ZNF345: variants seen among roughly 807,000 people sequenced by gnomAD.
ZNF345 encodes zinc finger protein HZF10.
For synonymous variants in ZNF345, 166 were observed against 187.9 expected (o/e 0.88, Z 0.95); for missense variants, 527 against 589.9 (o/e 0.89, Z 1.10).
At chr19:36,865,360 A>T (rs1268618895) in intron 2 of ZNF345, among the ~76,000 whole-genome samples, 1 of 152,254 alleles carries the variant, frequency 6.6e-6, no homozygotes, top group Non-Finnish European at 1.5e-5. Flanking sequence ...ACTAGCACAT[A>T]GTCTTCTAAG....
intron 3 of ZNF345, chr19:36,892,441 A>G (rs1192365862): frequency 1.3e-6 from 2 of 1,598,138 alleles, no homozygotes; most frequent in Admixed American, 3.4e-5. Context: ...CTTTAGAGAT[A>G]ATATTTTGGT....
intron 1 of ZNF345, 124 bp from the exon 2 acceptor site, chr19:36,851,706 C>T (rs533287633): frequency 6.6e-6 from 1 of 152,406 alleles, no homozygotes; most frequent in Non-Finnish European, 1.5e-5. Flanking sequence ...ATGCCCTAGA[C>T]TTCTCTGACC....
rs1483393760 is a variant in ZNF345 at position 36,877,020 on chromosome 19, T to C, written c.190T>C (p.Cys64Arg). ...TCATACTGATGAGAAACTCCTTGAA[T>C]GTAAGGAATGTGGGAAGGATTTTAG... ...RIHTDEKLLE[C>R]KECGKDFSFV... The change falls in exon 3 of 3, where the codon TGT (cysteine) becomes CGT (arginine). Residue 64 changes from cysteine (C) to arginine (R), a missense_variant. Coordinates refer to ENST00000420450, the MANE Select transcript of ZNF345 (RefSeq NM_001242472.2). 2 of 1,614,044 alleles carry C rather than the reference T, an allele frequency of 1.2e-6. No homozygotes were observed. Among genetic ancestry groups the C allele is most frequent in the African/African-American group, 1.3e-5 (1 of 74,948 alleles).
downstream of ZNF345, among the ~76,000 whole-genome samples, chr19:36,881,984 C>G (rs2072970832): frequency 6.6e-6 from 1 of 151,434 alleles, no homozygotes; most frequent in Non-Finnish European, 1.5e-5. Flanking sequence ...TATTTCTACT[C>G]ATAGTTTTAT....
At chr19:36,892,882 C>T (rs763719002) in exon 4 of ZNF345, 91 of 1,158,892 alleles carry the variant, frequency 7.9e-5, no homozygotes, top group Admixed American at 1.6e-4. Context: ...TGTGGAGCTC[C>T]GACTGCAAGG....
chr19:36,856,116 C>T (rs2072413417), intron 2 of ZNF345, among the ~76,000 whole-genome samples: 1 of 152,124 alleles, frequency 6.6e-6, no homozygotes, highest in Non-Finnish European at 1.5e-5. Context: ...TGTTATTTCC[C>T]TTCTTTACTT....
intron 3 of ZNF345, chr19:36,889,027 C>T (rs945051816): frequency 2.0e-5 from 3 of 152,170 alleles, no homozygotes; most frequent in African/African-American, 7.2e-5. Context: ...CCGCCTTGGC[C>T]TTGCAAAGTG....
chr19:36,874,054 C>CTTAAGAAA (rs2072826448), intron 2 of ZNF345, among the ~76,000 whole-genome samples: 1 of 152,092 alleles, frequency 6.6e-6, no homozygotes, highest in Non-Finnish European at 1.5e-5. Flanking sequence ...TACTTAGTTC[C>CTTAAGAAA]CTCCACTTCT....
chr19:36,877,953 T>C lies in ZNF345; in HGVS notation c.1123T>C (p.Cys375Arg). The C allele has an allele frequency of 6.2e-7, 1 of 1,614,058 alleles. No homozygotes were observed. ...TGAGAAACCCTATGAATGTAAGGAA[T>C]GTGGGAAGGCCTTTGGTAGTGGCTC... is the stretch of plus-strand genomic sequence containing the variant. ...TGEKPYECKE[C>R]GKAFGSGSKL... is the part of the protein sequence containing the mutation. Residue 375 changes from cysteine (C) to arginine (R), a missense_variant, in exon 3 of 3, where the codon TGT becomes CGT. By Grantham distance (180) the Cys-to-Arg change is radical. Transcript: ENST00000420450.
chr19:36,872,244 T>C (rs893901636), intron 2 of ZNF345, among the ~76,000 whole-genome samples: 1 of 152,184 alleles, frequency 6.6e-6, no homozygotes, highest in African/African-American at 2.4e-5. Context: ...TTGTATTACA[T>C]TGGGAGGAAC....
At chr19:36,863,656 G>C (rs1418515984) in intron 2 of ZNF345, among the ~76,000 whole-genome samples, 1 of 152,196 alleles carries the variant, frequency 6.6e-6, no homozygotes, top group Non-Finnish European at 1.5e-5. Context: ...ACAAGAAAGG[G>C]GAGATTCTTT....
At chr19:36,892,449 G>A (rs2146224901) in intron 3 of ZNF345, 1 of 1,592,610 alleles carries the variant, frequency 6.3e-7, no homozygotes. Context: ...ATAATATTTT[G>A]GTCTCACACA....
At chr19:36,882,937 C>T (rs1376831210), downstream of ZNF345, among the ~76,000 whole-genome samples, 6 of 152,034 alleles carry the variant, frequency 3.9e-5, no homozygotes, top group South Asian at 2.1e-4. Flanking sequence ...GGGCACAAAA[C>T]GCCCAGCTAT....
At chr19:36,852,128 C>CTTTTTTTTTTTTTTTTTTTTTTTTATTTT (rs35747733) in intron 2 of ZNF345, among the ~76,000 whole-genome samples, 1 of 102,704 alleles carries the variant, frequency 9.7e-6, no homozygotes, top group Non-Finnish European at 1.9e-5. Context: ...TTCTTTCTTT[C>CTTTTTTTTTTTTTTTTTTTTTTTTATTTT]TTTTTTTTTT....
At chr19:36,885,607 T>A (rs975060835) in intron 3 of ZNF345, among the ~76,000 whole-genome samples, 1 of 152,052 alleles carries the variant, frequency 6.6e-6, no homozygotes. Flanking sequence ...TACAAACTTA[T>A]GAAGGTATTC....
At chr19:36,880,927 A>G (rs2072964159), downstream of ZNF345, among the ~76,000 whole-genome samples, 1 of 150,240 alleles carries the variant, frequency 6.7e-6, no homozygotes, top group African/African-American at 2.5e-5. Flanking sequence ...AGAATGTTAA[A>G]GAAATTATAA....
At chr19:36,884,348 G>A (rs976143085), downstream of ZNF345, among the ~76,000 whole-genome samples, 2 of 152,098 alleles carry the variant, frequency 1.3e-5, no homozygotes, top group East Asian at 1.9e-4. Flanking sequence ...ATGAGCCACC[G>A]CACCTGGCCT....
chr19:36,859,056 C>T (rs2072486465), intron 2 of ZNF345, among the ~76,000 whole-genome samples: 1 of 148,742 alleles, frequency 6.7e-6, no homozygotes, highest in African/African-American at 2.5e-5. Flanking sequence ...GTATATGGTA[C>T]ATACACATAC....
chr19:36,881,317 C>T (rs146230064), downstream of ZNF345, among the ~76,000 whole-genome samples: 207 of 152,210 alleles, frequency 1.4e-3, no homozygotes, highest in South Asian at 3.5e-3. Context: ...CACTTCTGGT[C>T]CCAAGCATTT....
Sources: allele counts gnomAD v4.1 joint callset (sites outside exome capture counted in the v4.1 genomes callset), GRCh38; gene constraint gnomAD v4.1.1; transcripts MANE v1.5; gene names NCBI Gene and HGNC (gene_info 2026-07-23, HGNC 2026-07-21).